EFNA5: variants seen among roughly 807,000 people sequenced by gnomAD.
EFNA5 encodes ephrin A5.
A neutral mutation model predicts 22.9 loss-of-function variants in EFNA5; 5 were observed. The ratio of observed to expected loss-of-function variants is 0.22; its 90% CI spans 0.11 to 0.46. The LOEUF is 0.46. EFNA5 is among the 20% of genes least tolerant of loss of function. The pLI, the probability that EFNA5 is intolerant of heterozygous loss-of-function variation, is 0.99. For synonymous variants in EFNA5, 113 were observed against 112.2 expected, an observed-to-expected ratio of 1.01 and a Z score of -0.04; for missense variants, 237 against 293.3, an observed-to-expected ratio of 0.81 and a Z score of 1.40.
At chr5:107,424,381 AT>A (rs35528582) in intron 2 of EFNA5, among the ~76,000 whole-genome samples, 28,449 of 125,740 alleles carry the variant, frequency 0.23, 2,876 homozygotes, top group South Asian at 0.35. Flanking sequence ...TAATTTTTGT[AT>A]TTTTTTTTTT....
At chr5:107,637,541 T>TGTGG (rs1561456177) in intron 1 of EFNA5, among the ~76,000 whole-genome samples, 2 of 151,584 alleles carry the variant, frequency 1.3e-5, no homozygotes, top group African/African-American at 4.8e-5. Context: ...TGTGTGTGTG[T>TGTGG]GGGTTTGCTT....
At chr5:107,516,283 TCG>T (rs562978128) in intron 1 of EFNA5, among the ~76,000 whole-genome samples, 65 of 151,364 alleles carry the variant, frequency 4.3e-4, no homozygotes, top group Middle Eastern at 6.8e-3. Context: ...AGCAATCCTC[TCG>T]CCTCGGCCTC....
chr5:107,482,703 A>G (rs1438606743), intron 1 of EFNA5, among the ~76,000 whole-genome samples: 1 of 151,264 alleles, frequency 6.6e-6, no homozygotes, highest in Non-Finnish European at 1.5e-5. Context: ...TTAGAGAAGG[A>G]CCCTCCCTGC....
Position 107,380,487 on chromosome 5 carries a change from G to A in EFNA5, c.*768C>T, listed in dbSNP as rs1428421604. 1 of 214,376 alleles carries A rather than the reference G, an allele frequency of 4.7e-6. No individual in the cohort carries two copies. The allele number at this position is 214,376 out of a possible 1,614,324, so 13.3% of individuals were successfully genotyped here. A position where few individuals can be genotyped will look rare whatever the true frequency, so the allele number is the denominator to read the frequency against. On this transcript the variant is annotated 3_prime_UTR_variant, in exon 5 of 5. Coordinates refer to ENST00000333274, the MANE Select transcript of EFNA5 (RefSeq NM_001962.3). ...CTGCCCAGTCACCAAAAAAATTAGAGGCACTCACACATACACACCCCCAGC... is the reference window on the plus strand; with the variant it reads ...CTGCCCAGTCACCAAAAAAATTAGAAGCACTCACACATACACACCCCCAGC...
intron 1 of EFNA5, among the ~76,000 whole-genome samples, chr5:107,565,723 T>C (rs1048404764): frequency 2.0e-5 from 3 of 152,244 alleles, no homozygotes; most frequent in Middle Eastern, 3.2e-3. Flanking sequence ...ATAATATTCA[T>C]ATTTACGTGT....
chr5:107,459,213 G>T (rs1478354671), intron 1 of EFNA5, among the ~76,000 whole-genome samples: 1 of 152,004 alleles, frequency 6.6e-6, no homozygotes, highest in African/African-American at 2.4e-5. Flanking sequence ...GGCCAACATG[G>T]CAAAACCCCA....
At chr5:107,418,507 T>C (rs998286293) in intron 2 of EFNA5, among the ~76,000 whole-genome samples, 10 of 152,198 alleles carry the variant, frequency 6.6e-5, no homozygotes, top group Admixed American at 3.9e-4. Flanking sequence ...TGAGTCTCAG[T>C]AGGGTAAAGG....
intron 1 of EFNA5, among the ~76,000 whole-genome samples, chr5:107,619,882 G>A (rs879342254): frequency 1.4e-5 from 2 of 146,246 alleles, no homozygotes; most frequent in Non-Finnish European, 3.1e-5. Context: ...CTAAGAGACA[G>A]TACACAGAGC....
intron 1 of EFNA5, among the ~76,000 whole-genome samples, chr5:107,445,939 T>G (rs1749380716): frequency 6.6e-6 from 1 of 152,146 alleles, no homozygotes; most frequent in Non-Finnish European, 1.5e-5. Context: ...GACATCCATC[T>G]GATAACTGAG....
chr5:107,453,631 G>A (rs926409977), intron 1 of EFNA5, among the ~76,000 whole-genome samples: 25 of 152,120 alleles, frequency 1.6e-4, no homozygotes, highest in Non-Finnish European at 1.3e-4. Context: ...TAGCAATGAG[G>A]TCTGCCAAGT....
chr5:107,478,008 T>C lies in EFNA5; in HGVS notation c.126-50499A>G, dbSNP rs113577694. On this transcript the variant is annotated intron_variant, in intron 1 of 4. Transcript: ENST00000333274. ...TTTTAGTGATAACCACCGAAATACATGAGCAGGGTTTTTAAACCCTAGGAA... is the reference window on the plus strand; with the variant it reads ...TTTTAGTGATAACCACCGAAATACACGAGCAGGGTTTTTAAACCCTAGGAA... 1.7e-3 allele frequency among the ~76,000 whole-genome samples: 252 copies of C among 152,190 alleles called. 4 individuals are homozygous for C. The highest frequency in any genetic ancestry group is 5.9e-3 in the African/African-American group (245 of 41,512).
chr5:107,632,596 A>T (rs1750279266), intron 1 of EFNA5, among the ~76,000 whole-genome samples: 1 of 152,036 alleles, frequency 6.6e-6, no homozygotes, highest in African/African-American at 2.4e-5. Flanking sequence ...TTATTATTCT[A>T]GTTCAAGAAC....
chr5:107,640,976 G>GTAGAGAGA (rs1750489933), intron 1 of EFNA5, among the ~76,000 whole-genome samples: 1 of 145,454 alleles, frequency 6.9e-6, no homozygotes, highest in East Asian at 2.0e-4. Flanking sequence ...AGGTAGGCAG[G>GTAGAGAGA]TAGATAGATA....
intron 1 of EFNA5, among the ~76,000 whole-genome samples, chr5:107,484,897 A>G (rs1746554535): frequency 6.6e-6 from 1 of 152,090 alleles, no homozygotes; most frequent in Non-Finnish European, 1.5e-5. Context: ...ACATCTTAAA[A>G]ATAAAGGTAC....
intron 1 of EFNA5, among the ~76,000 whole-genome samples, chr5:107,459,151 T>C (rs1235089148): frequency 6.6e-6 from 1 of 152,108 alleles, no homozygotes; most frequent in Non-Finnish European, 1.5e-5. Flanking sequence ...CCCAGCACTT[T>C]GAGAGGCTGA....
At chr5:107,501,529 A>G (rs996203874) in intron 1 of EFNA5, among the ~76,000 whole-genome samples, 9 of 152,226 alleles carry the variant, frequency 5.9e-5, no homozygotes, top group Non-Finnish European at 8.8e-5. Flanking sequence ...TTAGCAAAGA[A>G]ATTCTCAGAA....
In EFNA5 at chr5:107,459,371, C is replaced by T. The variant is rs1284737716; in HGVS notation, c.126-31862G>A. ...CCATCTCAAAAAAAATCAATTGGAA[C>T]ACATGAAAAAAAAAAAAAAGAAATG... On this transcript the variant is annotated intron_variant, in intron 1 of 4. Transcript: ENST00000333274. 4.3e-5 allele frequency among the ~76,000 whole-genome samples: 5 copies of T among 117,524 alleles called. No homozygotes were observed. In the East Asian group the frequency reaches 1.3e-3, roughly 31 times the overall value. The allele number at this position is 117,524 out of a possible 152,430, so 77.1% of individuals were successfully genotyped here.
chr5:107,560,634 A>C (rs961757326), intron 1 of EFNA5, among the ~76,000 whole-genome samples: 8 of 152,198 alleles, frequency 5.3e-5, no homozygotes, highest in Admixed American at 2.0e-4. Context: ...GCTACTACCT[A>C]GCTGTGTAGC....
chr5:107,471,818 A>T (rs1387090049), intron 1 of EFNA5, among the ~76,000 whole-genome samples: 1 of 152,216 alleles, frequency 6.6e-6, no homozygotes, highest in Non-Finnish European at 1.5e-5. Context: ...ATCAAAGAAT[A>T]CAGTATTCTC....
Sources: gnomAD v4.1 joint callset for allele counts (sites outside exome capture counted in the v4.1 genomes callset) on GRCh38, gnomAD v4.1.1 for gene constraint, MANE v1.5 for transcripts, NCBI Gene and HGNC (gene_info 2026-07-23, HGNC 2026-07-21) for gene names.